Variants in PALM2AKAP2 observed in about 807,000 individuals in gnomAD.
PALM2AKAP2 encodes PALM2 and AKAP2 fusion, also known as PALM2-AKAP2 fusion protein.
A neutral mutation model predicts 71.5 loss-of-function variants in PALM2AKAP2; 37 were observed. The observed-to-expected ratio is 0.52, with a 90% CI of 0.40 to 0.68. PALM2AKAP2 has a LOEUF of 0.68. PALM2AKAP2 is among the 30% of genes least tolerant of loss of function. The pLI, the probability that PALM2AKAP2 is intolerant of heterozygous loss-of-function variation, is 0.00. For missense variants in PALM2AKAP2, 1,224 were observed against 1,191.8 expected, an observed-to-expected ratio of 1.03 and a Z score of -0.40; for synonymous variants, 468 against 478.8, an observed-to-expected ratio of 0.98 and a Z score of 0.29.
intron 1 of PALM2AKAP2, among the ~76,000 whole-genome samples, chr9:109,858,921 G>A (rs1300009237): frequency 6.6e-6 from 1 of 152,102 alleles, no homozygotes; most frequent in Non-Finnish European, 1.5e-5. Flanking sequence ...TACTTAAAGG[G>A]TCACACCGTG....
rs145730900 is a variant in PALM2AKAP2, at chr9:109,666,180, C to G, written c.5+25314C>G. ...ATGCCCTGCCCTGCTTCGGCTCACCCTCTGTGGGCTGCATCCACTCTCCAA... is the reference window on the plus strand; with the variant it reads ...ATGCCCTGCCCTGCTTCGGCTCACCGTCTGTGGGCTGCATCCACTCTCCAA... On this transcript the variant is annotated intron_variant, in intron 1 of 6. Transcript: ENST00000374531. Among the ~76,000 whole-genome samples the G allele has an allele frequency of 3.5e-3, 538 of 152,326 alleles. 3 individuals are homozygous for G. Among genetic ancestry groups the G allele is most frequent in the African/African-American group, 0.012 (510 of 41,572 alleles).
intron 6 of PALM2AKAP2, among the ~76,000 whole-genome samples, chr9:109,971,913 G>A (rs544958241): frequency 1.1e-4 from 16 of 152,190 alleles, no homozygotes; most frequent in South Asian, 6.2e-4. Flanking sequence ...ACTCCTGCCC[G>A]TTGAAAGATT....
In PALM2AKAP2 at chr9:110,077,173, G is replaced by A. The variant is rs114477705; in HGVS notation, c.156+28318G>A. 4.2e-3 allele frequency among the ~76,000 whole-genome samples: 641 copies of A among 152,244 alleles called. 5 individuals carry two copies. Among genetic ancestry groups the A allele is most frequent in the African/African-American group, 0.015 (617 of 41,544 alleles). ...TTAACTACTTGCTGTGTGACAACAA[G>A]CAAATCCCTTAACCTCTCTGAGCCT... On this transcript the variant is annotated intron_variant, in intron 1 of 3. Coordinates refer to ENST00000374525, the Ensembl canonical transcript of PALM2AKAP2.
At chr9:110,089,593 T>G (rs967784513) in intron 1 of PALM2AKAP2, among the ~76,000 whole-genome samples, 2 of 152,286 alleles carry the variant, frequency 1.3e-5, no homozygotes, top group East Asian at 1.9e-4. Flanking sequence ...TTAACAAAAA[T>G]AGGATTTTGA....
At chr9:109,818,524 T>C (rs1335234240) in intron 1 of PALM2AKAP2, among the ~76,000 whole-genome samples, 2 of 152,262 alleles carry the variant, frequency 1.3e-5, no homozygotes, top group African/African-American at 4.8e-5. Flanking sequence ...GATGCTTCTG[T>C]ATCTGTATTG....
chr9:110,127,551 C>T (rs373465151), intron 1 of PALM2AKAP2: 22 of 152,436 alleles, frequency 1.4e-4, no homozygotes, highest in African/African-American at 4.8e-4. Context: ...GGCCTCTCCT[C>T]TCCTCCACTT....
In PALM2AKAP2 at chr9:109,728,965, G is replaced by T. The variant is rs140203554; in HGVS notation, c.6-51523G>T. On this transcript the variant is annotated intron_variant, in intron 1 of 6. Coordinates refer to the PALM2AKAP2 transcript ENST00000374531. Reference sequence around the variant, plus strand: ...GACCTTTGAATAATATATGTGCTGAGAAAGGTCTTGGGATATTTTAACAAC... The same window carrying T: ...GACCTTTGAATAATATATGTGCTGATAAAGGTCTTGGGATATTTTAACAAC... Among the ~76,000 whole-genome samples the T allele has an allele frequency of 1.6e-4, 25 of 152,336 alleles. No homozygotes were observed. The East Asian group carries it at 3.7e-3, about 22-fold the overall frequency.
rs751156000 is a variant in PALM2AKAP2, at chr9:110,137,003, G to A, written c.1033G>A (p.Glu345Lys). 3.5e-5 allele frequency: 57 copies of A among 1,614,032 alleles called. 1 individual carries two copies. In the South Asian group the frequency reaches 4.4e-4, roughly 12 times the overall value. The change falls in exon 2 of 4, where the codon GAG (glutamate) becomes AAG (lysine). Residue 345 changes from glutamate (E) to lysine (K), a missense_variant. Transcript: ENST00000374525. ...AAAAACCATCGAGGAGCAGCTGGAC[G>A]AGGAACATCTGGAGTCGCACAAAAA...
chr9:109,991,362 G>A (rs926906960), intron 6 of PALM2AKAP2, among the ~76,000 whole-genome samples: 10 of 151,750 alleles, frequency 6.6e-5, no homozygotes, highest in African/African-American at 2.4e-4. Flanking sequence ...TCAGCCTCCC[G>A]AGTAGCTGGG....
chr9:109,901,434 ACT>A, intron 3 of PALM2AKAP2, among the ~76,000 whole-genome samples: 1 of 152,126 alleles, frequency 6.6e-6, no homozygotes, highest in Admixed American at 6.5e-5. Flanking sequence ...TCACTGAGTC[ACT>A]CTGTCCATTA....
intron 6 of PALM2AKAP2, among the ~76,000 whole-genome samples, chr9:109,979,139 C>G (rs562921262): frequency 3.9e-5 from 6 of 152,110 alleles, no homozygotes; most frequent in Non-Finnish European, 8.8e-5. Context: ...ACTACAGGCA[C>G]GCACCACCAT....
intron 3 of PALM2AKAP2, among the ~76,000 whole-genome samples, chr9:109,899,080 T>C (rs1050161391): frequency 1.1e-4 from 17 of 152,162 alleles, no homozygotes. Flanking sequence ...AATATAGGCA[T>C]TCTTTGATCT....
intron 1 of PALM2AKAP2, among the ~76,000 whole-genome samples, chr9:109,750,568 G>C (rs999781465): frequency 7.1e-6 from 1 of 139,898 alleles, no homozygotes; most frequent in Non-Finnish European, 1.5e-5. Context: ...CTCTGCCCTA[G>C]GACGTGTGTG....
At chr9:109,758,099 C>CT (rs1272225675) in intron 1 of PALM2AKAP2, among the ~76,000 whole-genome samples, 2 of 152,014 alleles carry the variant, frequency 1.3e-5, no homozygotes, top group Non-Finnish European at 2.9e-5. Context: ...AATCACTCCC[C>CT]TTTTTAACCT....
intron 1 of PALM2AKAP2, among the ~76,000 whole-genome samples, chr9:110,074,732 G>C (rs987781575): frequency 1.3e-5 from 2 of 152,192 alleles, no homozygotes; most frequent in Non-Finnish European, 2.9e-5. Context: ...GCTGGGTGTG[G>C]TGGTTCACGC....
In PALM2AKAP2 at chr9:110,137,415, C is replaced by A. The variant is rs761283396; in HGVS notation, c.1445C>A (p.Ser482Tyr). 5 of 1,614,034 alleles carry A rather than the reference C, an allele frequency of 3.1e-6. No homozygotes were observed. The African/African-American group carries it at 6.7e-5, about 22-fold the overall frequency. The change falls in exon 2 of 4, where the codon TCC becomes TAC. Residue 482 changes from serine to tyrosine, a missense_variant. Physicochemically the swap from Ser to Tyr is moderately radical, Grantham distance 144 (BLOSUM62 -2). Transcript: ENST00000374525. ...GCCTCAGCCGCCAAGGGACAGAAATCCCCCGGTGCCCTGGAGACCCCATCG... is the reference window on the plus strand; with the variant it reads ...GCCTCAGCCGCCAAGGGACAGAAATACCCCGGTGCCCTGGAGACCCCATCG...
rs191342319 is a variant in PALM2AKAP2, at chr9:109,840,841, T to C, written c.46-26650T>C. 1.5e-3 allele frequency among the ~76,000 whole-genome samples: 227 copies of C among 152,322 alleles called. 1 individual carries two copies. The highest frequency in any genetic ancestry group is 5.3e-3 in the African/African-American group (220 of 41,568). On this transcript the variant is annotated intron_variant, in intron 1 of 9. Transcript: ENST00000302798. ...AGATACCATCTCATACCAGTTAGAATGGCGATCATTAAAAAGTCAGGAGAC... is the reference window on the plus strand; with the variant it reads ...AGATACCATCTCATACCAGTTAGAACGGCGATCATTAAAAAGTCAGGAGAC...
intron 7 of PALM2AKAP2, among the ~76,000 whole-genome samples, chr9:110,019,545 C>G (rs10816919): frequency 0.24 from 35,778 of 152,128 alleles, 5,289 homozygotes; most frequent in Admixed American, 0.35. Context: ...TGAAATTAAC[C>G]TAAGTGTTCA....
rs566705648 is a variant in PALM2AKAP2 at position 110,010,728 on chromosome 9, G to A, written c.497-5226G>A. Among the ~76,000 whole-genome samples the A allele has an allele frequency of 3.3e-3, 489 of 148,154 alleles. 4 individuals carry two copies. The highest frequency in any genetic ancestry group is 4.8e-3 in the Admixed American group (72 of 14,878). On this transcript the variant is annotated intron_variant, in intron 6 of 9. Coordinates refer to the PALM2AKAP2 transcript ENST00000302798. Reference sequence around the variant, plus strand: ...ATGTATATACTTTTGGGCTGGGTACGGTGGCTCACGCTTGTAATCCCAGCA... The same window carrying A: ...ATGTATATACTTTTGGGCTGGGTACAGTGGCTCACGCTTGTAATCCCAGCA...
Sources: allele counts gnomAD v4.1 joint callset (sites outside exome capture counted in the v4.1 genomes callset), GRCh38; gene constraint gnomAD v4.1.1; transcripts MANE v1.5; gene names NCBI Gene and HGNC (gene_info 2026-07-23, HGNC 2026-07-21).